MAGI2: variants seen among roughly 807,000 people sequenced by gnomAD.
The protein encoded by MAGI2 is membrane associated guanylate kinase, WW and PDZ domain containing 2, also known as membrane-associated guanylate kinase, WW and PDZ domain-containing protein 2.
A neutral mutation model predicts 133.3 loss-of-function variants in MAGI2; 35 were observed. The observed-to-expected ratio is 0.26, with a 90% CI of 0.20 to 0.35. The LOEUF (loss-of-function observed/expected upper bound fraction) is 0.35. Among genes scored for constraint, MAGI2 ranks in the 10% least tolerant of loss-of-function variants. The pLI is 1.00. For synonymous variants in MAGI2, 729 were observed against 710.6 expected (o/e 1.03, Z -0.41); for missense variants, 1,636 against 1,863.4 (o/e 0.88, Z 2.25).
intron 9 of MAGI2, among the ~76,000 whole-genome samples, chr7:78,322,574 C>A (rs1788115182): frequency 1.3e-5 from 2 of 152,104 alleles, no homozygotes; most frequent in Admixed American, 6.5e-5. Context: ...AACACATGGA[C>A]ACAGGGAGGA....
At chr7:78,840,680 T>C (rs1792056675) in intron 2 of MAGI2, among the ~76,000 whole-genome samples, 1 of 152,050 alleles carries the variant, frequency 6.6e-6, no homozygotes, top group Admixed American at 6.6e-5. Flanking sequence ...CTGTAATTTG[T>C]AGGTGAATGT....
intron 1 of MAGI2, among the ~76,000 whole-genome samples, chr7:79,391,471 A>G (rs1404522238): frequency 2.7e-5 from 4 of 146,586 alleles, no homozygotes; most frequent in Non-Finnish European, 6.0e-5. Context: ...ATGTATTCTA[A>G]AAGCAATTAC....
intron 5 of MAGI2, 93 bp downstream of exon 5, chr7:78,501,484 C>CTTTT (rs554529806): frequency 1.8e-4 from 151 of 834,928 alleles, no homozygotes; most frequent in African/African-American, 7.9e-4. Context: ...ATGTTTTTTT[C>CTTTT]TTTTTTTTTT....
chr7:78,666,400 A>G (rs1813590324), intron 2 of MAGI2, among the ~76,000 whole-genome samples: 1 of 152,180 alleles, frequency 6.6e-6, no homozygotes, highest in South Asian at 2.1e-4. Context: ...TGTATAGTTC[A>G]TTGTATAGGC....
chr7:79,387,000 TAC>T (rs201215499), intron 1 of MAGI2, among the ~76,000 whole-genome samples: 1 of 106,814 alleles, frequency 9.4e-6, no homozygotes, highest in Non-Finnish European at 1.8e-5. Flanking sequence ...TATATATGTA[TAC>T]ACACACACAC....
chr7:79,191,380 TTTTTTC>T (rs1201268822), intron 1 of MAGI2, among the ~76,000 whole-genome samples: 18 of 149,206 alleles, frequency 1.2e-4, no homozygotes, highest in South Asian at 6.3e-4. Flanking sequence ...CATTTCTTCT[TTTTTTC>T]TTTTTCTTTT....
intron 9 of MAGI2, among the ~76,000 whole-genome samples, chr7:78,331,684 T>C (rs1204148501): frequency 6.6e-6 from 1 of 152,134 alleles, no homozygotes; most frequent in Non-Finnish European, 1.5e-5. Flanking sequence ...ATAACAGGCT[T>C]TCAGAATTCT....
intron 2 of MAGI2, among the ~76,000 whole-genome samples, chr7:78,806,551 A>T (rs1788591803): frequency 6.6e-6 from 1 of 152,054 alleles, no homozygotes. Flanking sequence ...TGTTTTATTT[A>T]TGACACAATT....
chr7:78,404,354 T>C (rs897873652), intron 6 of MAGI2, among the ~76,000 whole-genome samples: 3 of 152,170 alleles, frequency 2.0e-5, no homozygotes, highest in Admixed American at 2.0e-4. Context: ...TGAGCCTGCA[T>C]TGCCAAGTCA....
intron 12 of MAGI2, among the ~76,000 whole-genome samples, chr7:78,193,877 A>C (rs1828469032): frequency 6.6e-6 from 1 of 152,214 alleles, no homozygotes; most frequent in African/African-American, 2.4e-5. Context: ...TGTAGAGGAT[A>C]GGGAAAAGGT....
chr7:79,150,548 T>C (rs1364787503), intron 1 of MAGI2, among the ~76,000 whole-genome samples: 1 of 152,206 alleles, frequency 6.6e-6, no homozygotes, highest in African/African-American at 2.4e-5. Flanking sequence ...AAAAGAGAAC[T>C]TTATCAATAT....
intron 2 of MAGI2, among the ~76,000 whole-genome samples, chr7:78,855,260 T>G (rs553610255): frequency 4.9e-4 from 74 of 152,248 alleles, no homozygotes; most frequent in African/African-American, 1.4e-3. Context: ...CTAAAATTTT[T>G]TATTTTAATT....
chr7:78,264,893 C>T (rs117670491), intron 9 of MAGI2, among the ~76,000 whole-genome samples: 6 of 152,166 alleles, frequency 3.9e-5, no homozygotes, highest in South Asian at 4.2e-4. Context: ...ATAAGCCTAT[C>T]GGGGCTTACC....
chr7:78,956,126 G>A (rs76481423), intron 2 of MAGI2, among the ~76,000 whole-genome samples: 2,422 of 152,116 alleles, frequency 0.016, 44 homozygotes, highest in African/African-American at 0.049. Context: ...GTGCAAGAGG[G>A]GCACCAACCT....
At chr7:78,033,319 A>G (rs12705176) in intron 21 of MAGI2, among the ~76,000 whole-genome samples, 26,913 of 151,960 alleles carry the variant, frequency 0.18, 2,616 homozygotes, top group East Asian at 0.29. Context: ...GCTACAAAAA[A>G]TAAATTAGCT....
chr7:78,492,621 T>A (rs561415390), intron 5 of MAGI2, among the ~76,000 whole-genome samples: 1 of 152,292 alleles, frequency 6.6e-6, no homozygotes, highest in Admixed American at 6.5e-5. Context: ...CAGAATGGGA[T>A]AATTGAGGGA....
intron 1 of MAGI2, among the ~76,000 whole-genome samples, chr7:79,373,881 T>A (rs1296629448): frequency 6.6e-6 from 1 of 152,048 alleles, no homozygotes; most frequent in Non-Finnish European, 1.5e-5. Flanking sequence ...GTGCTGTTAA[T>A]TGTAAAAGTA....
At chr7:78,957,250 G>A (rs1802458661) in intron 2 of MAGI2, among the ~76,000 whole-genome samples, 1 of 128,140 alleles carries the variant, frequency 7.8e-6, no homozygotes, top group South Asian at 2.6e-4. Flanking sequence ...GGGTGACAGA[G>A]TGAGACTCCA....
chr7:78,511,548 T>TATA (rs1554448976), intron 4 of MAGI2, among the ~76,000 whole-genome samples: 8 of 114,948 alleles, frequency 7.0e-5, no homozygotes, highest in East Asian at 2.3e-4. Flanking sequence ...TATATATATA[T>TATA]AAATTTTTTT....
Sources: allele counts gnomAD v4.1 joint callset (sites outside exome capture counted in the v4.1 genomes callset), GRCh38; gene constraint gnomAD v4.1.1; transcripts MANE v1.5; gene names NCBI Gene and HGNC (gene_info 2026-07-23, HGNC 2026-07-21).